Variants in NR3C1 observed in about 807,000 individuals in gnomAD.
NR3C1 encodes nuclear receptor subfamily 3 group C member 1.
NR3C1 carries 14 observed loss-of-function variants against 74.0 expected under a neutral mutation model. That is an observed-to-expected ratio of 0.19 (90% CI 0.12 to 0.30). NR3C1 has a LOEUF of 0.30. Ranked by LOEUF, NR3C1 falls within the 10% of genes least tolerant of loss-of-function variation. The pLI, the probability that NR3C1 is intolerant of heterozygous loss-of-function variation, is 1.00. For synonymous variants in NR3C1, 308 were observed against 332.5 expected (o/e 0.93, Z 0.80); for missense variants, 695 against 909.8 (o/e 0.76, Z 3.04).
chr5:143,334,845 G>A (rs1826777239), intron 2 of NR3C1, among the ~76,000 whole-genome samples: 1 of 152,124 alleles, frequency 6.6e-6, no homozygotes, highest in African/African-American at 2.4e-5. Flanking sequence ...CCCTGTCCCT[G>A]CCTCCCAAAA....
At position 143,400,076 on chromosome 5, in the gene NR3C1, G is replaced by A. The variant is rs1383564268; in HGVS notation, c.764C>T (p.Pro255Leu). Residue 255 changes from proline (P) to leucine (L), a missense_variant, in exon 2 of 9, where the codon CCC becomes CTC. By Grantham distance (98) the Pro-to-Leu change is moderately conservative. This residue lies in a region of NR3C1 where 497 missense variants were observed against 489.5 expected (regional missense o/e 1.02). Transcript: ENST00000394464. ...CKPLILPDTKPKIKDNGDLVL... is the reference protein window; with the variant it reads ...CKPLILPDTKLKIKDNGDLVL... ...CAGATCTCCATTATCCTTAATTTTG[G>A]GTTTAGTGTCCGGTAAAATGAGAGG... is the stretch of plus-strand genomic sequence containing the variant. 12 of 1,614,108 alleles carry A rather than the reference G, an allele frequency of 7.4e-6. 1 individual carries two copies. In the South Asian group the frequency reaches 1.3e-4, roughly 18 times the overall value.
intron 5 of NR3C1, among the ~76,000 whole-genome samples, chr5:143,299,609 G>A (rs568953977): frequency 2.0e-4 from 31 of 152,302 alleles, no homozygotes; most frequent in Admixed American, 1.5e-3. Flanking sequence ...GATTTGGAAT[G>A]TTCCCCAAAC....
chr5:143,347,030 G>A (rs1004753379), intron 2 of NR3C1, among the ~76,000 whole-genome samples: 1 of 152,170 alleles, frequency 6.6e-6, no homozygotes. Context: ...TTTTCAGAGA[G>A]GGTGAAGCTC....
At chr5:143,391,601 T>C (rs1362919823) in intron 2 of NR3C1, among the ~76,000 whole-genome samples, 1 of 152,174 alleles carries the variant, frequency 6.6e-6, no homozygotes, top group Admixed American at 6.5e-5. Flanking sequence ...TGGTTGGAGT[T>C]ATCACTATGG....
chr5:143,310,074 T>C, intron 4 of NR3C1, 23 bp downstream of exon 4: 12 of 1,522,814 alleles, frequency 7.9e-6, no homozygotes, highest in African/African-American at 1.4e-5. Flanking sequence ...AGACAAACAA[T>C]TGCTTTCAGA....
intron 1 of NR3C1, among the ~76,000 whole-genome samples, chr5:143,422,570 C>T (rs559301022): frequency 1.1e-4 from 17 of 152,126 alleles, no homozygotes; most frequent in African/African-American, 4.1e-4. Context: ...GGGATTAGTG[C>T]CCATATAAAA....
intron 7 of NR3C1, among the ~76,000 whole-genome samples, chr5:143,288,435 A>AGAT (rs2151500513): frequency 6.6e-6 from 1 of 152,110 alleles, no homozygotes; most frequent in East Asian, 1.9e-4. Context: ...TGGAAATTTA[A>AGAT]GATGTTAATT....
In NR3C1 at chr5:143,403,479, C is replaced by T. The variant is rs1050887023; in HGVS notation, c.-282G>A. 79 of 985,262 alleles carry T rather than the reference C, an allele frequency of 8.0e-5. No homozygotes were observed. Among genetic ancestry groups the T allele is most frequent in the Non-Finnish European group, 9.4e-5 (78 of 829,978 alleles). 61.0% of individuals were successfully genotyped at this position (985,262 alleles called of 1,614,324 possible). On this transcript the variant is annotated 5_prime_UTR_variant, in exon 1 of 9. Coordinates refer to ENST00000394464, the MANE Select transcript of NR3C1 (RefSeq NM_000176.3). ...CGGGCGCGCGTGCCCCGTCCCGGTC[C>T]CAGCTGCTTCGGCCGCTCCGGCTGC...
chr5:143,324,434 G>A (rs954696874), intron 2 of NR3C1, among the ~76,000 whole-genome samples: 1 of 152,212 alleles, frequency 6.6e-6, no homozygotes, highest in Non-Finnish European at 1.5e-5. Flanking sequence ...CACAGCTGGA[G>A]CAGCTGGGAC....
At chr5:143,411,371 T>C (rs1841286618) in intron 1 of NR3C1, among the ~76,000 whole-genome samples, 1 of 152,314 alleles carries the variant, frequency 6.6e-6, no homozygotes, top group African/African-American at 2.4e-5. Context: ...TTGAAAGCTA[T>C]TATCAGCAAA....
intron 2 of NR3C1, among the ~76,000 whole-genome samples, chr5:143,384,552 A>C (rs146054482): frequency 5.8e-4 from 89 of 152,296 alleles, no homozygotes; most frequent in African/African-American, 2.1e-3. Flanking sequence ...AACTAGAGAA[A>C]TTGGTTAAGA....
chr5:143,397,726 G>A (rs1839486782), intron 2 of NR3C1, among the ~76,000 whole-genome samples: 1 of 151,748 alleles, frequency 6.6e-6, no homozygotes, highest in Non-Finnish European at 1.5e-5. Flanking sequence ...TCATTGCCTT[G>A]CCTACTACCT....
intron 4 of NR3C1, among the ~76,000 whole-genome samples, chr5:143,302,753 T>G (rs992439929): frequency 2.0e-5 from 3 of 152,108 alleles, no homozygotes; most frequent in Non-Finnish European, 4.4e-5. Flanking sequence ...TAATACTAAT[T>G]AATTTTTCAA....
intron 2 of NR3C1, among the ~76,000 whole-genome samples, chr5:143,362,486 G>C (rs528582925): frequency 1.3e-5 from 2 of 150,568 alleles, no homozygotes; most frequent in Non-Finnish European, 3.0e-5. Context: ...TCAGCCTCCC[G>C]AGTAGCTGGG....
chr5:143,335,162 C>T (rs1031410861), intron 2 of NR3C1, among the ~76,000 whole-genome samples: 3 of 152,180 alleles, frequency 2.0e-5, no homozygotes, highest in African/African-American at 7.2e-5. Flanking sequence ...CAAGAAATCA[C>T]ATCATACACA....
chr5:143,363,582 A>G (rs200007949), intron 2 of NR3C1, among the ~76,000 whole-genome samples: 113 of 5,252 alleles, frequency 0.022, no homozygotes, highest in Admixed American at 0.072. Flanking sequence ...CCAAAAAAAT[A>G]AAAAAAAAAA....
At chr5:143,335,020 A>C (rs1826816648) in intron 2 of NR3C1, among the ~76,000 whole-genome samples, 1 of 152,236 alleles carries the variant, frequency 6.6e-6, no homozygotes, top group South Asian at 2.1e-4. Flanking sequence ...GAATTAGACA[A>C]GGGTATGCAA....
chr5:143,336,291 T>C (rs1827105557), intron 2 of NR3C1, among the ~76,000 whole-genome samples: 1 of 152,228 alleles, frequency 6.6e-6, no homozygotes, highest in Admixed American at 6.5e-5. Context: ...GTAGTTCTGG[T>C]TAAAGATGGT....
chr5:143,349,408 T>A (rs1345831831), intron 2 of NR3C1, among the ~76,000 whole-genome samples: 31 of 152,164 alleles, frequency 2.0e-4, no homozygotes, highest in Admixed American at 1.9e-3. Context: ...TAATCCTTCT[T>A]ACTATAATCT....
Sources: gnomAD v4.1 joint callset for allele counts (sites outside exome capture counted in the v4.1 genomes callset) on GRCh38, gnomAD v4.1.1 for gene constraint, gnomAD v4.1.1 regional missense constraint, MANE v1.5 for transcripts, NCBI Gene and HGNC (gene_info 2026-07-23, HGNC 2026-07-21) for gene names.